The following LY96 variants were observed in gnomAD, a reference collection of about 807,000 sequenced individuals.
LY96 encodes lymphocyte antigen 96.
A neutral mutation model predicts 18.9 loss-of-function variants in LY96; 18 were observed. The ratio of observed to expected loss-of-function variants is 0.95; its 90% confidence interval spans 0.66 to 1.41. The LOEUF (loss-of-function observed/expected upper bound fraction) is 1.41, where lower values mean the gene tolerates loss of function less well. Among genes scored for constraint, LY96 ranks in the 40% most tolerant of loss-of-function variants. LY96 has a pLI of 0.00. For synonymous variants in LY96, 66 were observed against 62.6 expected, an observed-to-expected ratio of 1.06 and a Z score of -0.26; for missense variants, 175 against 182.4, an observed-to-expected ratio of 0.96 and a Z score of 0.23.
intron 3 of LY96, among the ~76,000 whole-genome samples, chr8:74,016,735 C>T (rs932125302): frequency 5.9e-5 from 9 of 152,226 alleles, no homozygotes; most frequent in Non-Finnish European, 8.8e-5. Context: ...GGTCTGCAGC[C>T]TCCGCTGGTG....
intron 2 of LY96, among the ~76,000 whole-genome samples, chr8:74,007,765 C>CT (rs1250084581): frequency 3.9e-5 from 6 of 152,016 alleles, no homozygotes; most frequent in African/African-American, 1.5e-4. Flanking sequence ...CTCCATGTTT[C>CT]TTTTCTTTTT....
the LY96 span, among the ~76,000 whole-genome samples, chr8:74,042,763 G>A: frequency 2.0e-5 from 3 of 151,394 alleles, no homozygotes; most frequent in African/African-American, 4.8e-5. Flanking sequence ...AGGATCTGGA[G>A]AACTTTTGTT....
At chr8:74,099,840 C>G in the LY96 span, 3 of 152,128 alleles carry the variant, frequency 2.0e-5, no homozygotes, top group African/African-American at 7.2e-5. Context: ...AGAAATAAAG[C>G]TCTTCTTTCT....
intron 3 of LY96, among the ~76,000 whole-genome samples, chr8:74,015,428 T>C (rs562795027): frequency 1.3e-5 from 2 of 152,314 alleles, no homozygotes; most frequent in South Asian, 4.1e-4. Context: ...GCCTAAGGCA[T>C]GTCTTGCCTT....
intron 1 of LY96, among the ~76,000 whole-genome samples, chr8:73,996,350 TTCC>T (rs1816127583): frequency 1.5e-5 from 2 of 131,494 alleles, no homozygotes; most frequent in African/African-American, 5.7e-5. Context: ...CCTTCCTTCC[TTCC>T]TTCCTTCCTT....
At chr8:74,072,714 AGTTT>A in the LY96 span, among the ~76,000 whole-genome samples, 12,914 of 152,166 alleles carry the variant, frequency 0.085, 939 homozygotes, top group African/African-American at 0.21. Flanking sequence ...ACATATAAGC[AGTTT>A]GTTTTATGGC....
intron 3 of LY96, among the ~76,000 whole-genome samples, chr8:74,014,372 C>A (rs1816595809): frequency 6.9e-6 from 1 of 145,496 alleles, no homozygotes; most frequent in Admixed American, 6.9e-5. Flanking sequence ...CCGCTGCACT[C>A]CCTGACTTAA....
At chr8:74,081,026 CTTTCTTTCTTTCTTTCTTTCTT>C in the LY96 span, among the ~76,000 whole-genome samples, 707 of 128,214 alleles carry the variant, frequency 5.5e-3, 7 homozygotes, top group African/African-American at 0.011. Context: ...TTCTTTCTTT[CTTTCTTTCTTTCTTTCTTTCTT>C]TTTCTTTCTT....
the LY96 span, among the ~76,000 whole-genome samples, chr8:74,087,965 C>A: frequency 6.6e-6 from 1 of 152,042 alleles, no homozygotes; most frequent in Non-Finnish European, 1.5e-5. Flanking sequence ...TCCTTCCTAT[C>A]CTTCAAGGAC....
At chr8:74,085,165 AC>A in the LY96 span, among the ~76,000 whole-genome samples, 1 of 152,246 alleles carries the variant, frequency 6.6e-6, no homozygotes, top group African/African-American at 2.4e-5. Context: ...CAAAATGCCT[AC>A]AACAACCCTG....
downstream of LY96, among the ~76,000 whole-genome samples, chr8:74,033,788 C>T (rs1414581306): frequency 3.3e-5 from 5 of 152,158 alleles, no homozygotes; most frequent in African/African-American, 9.7e-5. Context: ...ACTTTTCTCT[C>T]TGAGCTCTCC....
chr8:74,086,961 A>G, the LY96 span, among the ~76,000 whole-genome samples: 117 of 152,188 alleles, frequency 7.7e-4, no homozygotes, highest in Non-Finnish European at 1.3e-3. Context: ...AGCCACCCAC[A>G]TTGGGGCTTT....
At chr8:74,017,140 A>G (rs1287828560) in intron 3 of LY96, among the ~76,000 whole-genome samples, 1 of 152,210 alleles carries the variant, frequency 6.6e-6, no homozygotes. Context: ...ATCGCAAGGA[A>G]GCTAAAAACC....
At chr8:73,994,739 A>G (rs1246985397) in intron 1 of LY96, among the ~76,000 whole-genome samples, 2 of 152,166 alleles carry the variant, frequency 1.3e-5, no homozygotes, top group Non-Finnish European at 2.9e-5. Flanking sequence ...TTCCTGCCTC[A>G]GCTTCCCAAA....
At chr8:74,068,736 C>T in the LY96 span, among the ~76,000 whole-genome samples, 242 of 152,278 alleles carry the variant, frequency 1.6e-3, 1 homozygote, top group Middle Eastern at 6.8e-3. Flanking sequence ...AATATCTTCT[C>T]TTATGAAGGA....
the LY96 span, among the ~76,000 whole-genome samples, chr8:74,037,362 G>A: frequency 6.6e-6 from 1 of 152,148 alleles, no homozygotes; most frequent in Non-Finnish European, 1.5e-5. Context: ...GGCGTGGTGG[G>A]TCATGCCTGT....
chr8:74,062,553 T>A, the LY96 span, among the ~76,000 whole-genome samples: 10 of 152,362 alleles, frequency 6.6e-5, no homozygotes, highest in Admixed American at 2.0e-4. Context: ...GCTTCATCCA[T>A]GTCCCTGCAA....
At chr8:74,033,169 A>G (rs1388822620), downstream of LY96, among the ~76,000 whole-genome samples, 1 of 151,924 alleles carries the variant, frequency 6.6e-6, no homozygotes, top group Non-Finnish European at 1.5e-5. Context: ...GCTTAATAAA[A>G]TATCAGGCAT....
chr8:74,092,192 G>T, the LY96 span, among the ~76,000 whole-genome samples: 1 of 152,068 alleles, frequency 6.6e-6, no homozygotes, highest in Admixed American at 6.6e-5. Context: ...GAACTTTTGG[G>T]CATTATTTTT....
Sources: allele counts gnomAD v4.1 joint callset (sites outside exome capture counted in the v4.1 genomes callset), GRCh38; gene constraint gnomAD v4.1.1; transcripts MANE v1.5; gene names NCBI Gene and HGNC (gene_info 2026-07-23, HGNC 2026-07-21).